SPATS2: variants seen among roughly 807,000 people sequenced by gnomAD.
SPATS2 encodes the protein spermatogenesis-associated serine-rich protein 2.
A neutral mutation model predicts 63.7 loss-of-function variants in SPATS2; 38 were observed. The observed-to-expected ratio is 0.60, with a 90% CI of 0.46 to 0.78. SPATS2 has a LOEUF of 0.78. Among genes scored for constraint, SPATS2 ranks in the 30% least tolerant of loss-of-function variants. The probability of loss-of-function intolerance (pLI) is 0.00; values close to 1 mark genes in which losing one functional copy is unlikely to be tolerated. For synonymous variants in SPATS2, 207 were observed against 232.9 expected (o/e 0.89, Z 1.01); for missense variants, 588 against 666.2 (o/e 0.88, Z 1.29).
In SPATS2 at chr12:49,526,528, G is replaced by A. The variant is rs1212907056; in HGVS notation, c.*273G>A. On this transcript the variant is annotated 3_prime_UTR_variant, in exon 14 of 14. Transcript: ENST00000552918. Reference sequence around the variant, plus strand: ...TCAGAGGCAGCTGTTACCAGGTTTCGGCCTTCCAGTTGATCCCTCCACTGT... The same window carrying A: ...TCAGAGGCAGCTGTTACCAGGTTTCAGCCTTCCAGTTGATCCCTCCACTGT... 2.8e-5 allele frequency: 12 copies of A among 434,212 alleles called. No homozygotes were observed. Among genetic ancestry groups the A allele is most frequent in the East Asian group, 9.1e-5 (2 of 22,022 alleles). 26.9% of individuals were successfully genotyped at this position (434,212 alleles called of 1,614,324 possible).
At position 49,494,982 on chromosome 12, in the gene SPATS2, T is replaced by C; in HGVS notation, c.506T>C (p.Leu169Pro). 1 of 1,612,376 alleles carries C rather than the reference T, an allele frequency of 6.2e-7. No individual in the cohort carries two copies. ...RELEDPESAM[L>P]DTLDRTGSML... ...TTGGAGGATCCCGAGTCTGCCATGC[T>C]AGATACGCTGGATAGAACAGGTGAG... is the stretch of plus-strand genomic sequence containing the variant. The change falls in exon 7 of 14, where the codon CTA becomes CCA. Residue 169 changes from leucine (L) to proline (P), a missense_variant. Physicochemically the swap from Leu to Pro is moderately conservative, Grantham distance 98. Coordinates refer to ENST00000552918, the MANE Select transcript of SPATS2 (RefSeq NM_023071.4).
intron 2 of SPATS2, among the ~76,000 whole-genome samples, chr12:49,378,218 G>A (rs764018202): frequency 1.3e-5 from 2 of 151,938 alleles, no homozygotes; most frequent in South Asian, 2.1e-4. Context: ...TGATCTGCCC[G>A]CCTCGGCCTC....
At chr12:49,456,563 A>T (rs1207784487) in intron 2 of SPATS2, among the ~76,000 whole-genome samples, 2 of 152,196 alleles carry the variant, frequency 1.3e-5, no homozygotes, top group African/African-American at 4.8e-5. Flanking sequence ...TCTGTCTTAT[A>T]ATTTTAATAG....
intron 11 of SPATS2, among the ~76,000 whole-genome samples, chr12:49,519,672 C>T (rs963740974): frequency 6.6e-6 from 1 of 151,110 alleles, no homozygotes; most frequent in Non-Finnish European, 1.5e-5. Flanking sequence ...TGCAGTCTTG[C>T]TCTGCCATTA....
intron 2 of SPATS2, among the ~76,000 whole-genome samples, chr12:49,384,055 G>A (rs1025246700): frequency 1.6e-4 from 25 of 152,080 alleles, no homozygotes; most frequent in Non-Finnish European, 1.3e-4. Context: ...TAACCATAGG[G>A]CATTTATTAA....
intron 9 of SPATS2, among the ~76,000 whole-genome samples, chr12:49,509,907 G>A (rs1592471553): frequency 6.6e-6 from 1 of 151,874 alleles, no homozygotes; most frequent in Non-Finnish European, 1.5e-5. Context: ...AGAAAAAAAG[G>A]CGTCTGCATT....
intron 3 of SPATS2, among the ~76,000 whole-genome samples, chr12:49,483,995 A>C (rs1197898617): frequency 6.6e-6 from 1 of 152,236 alleles, no homozygotes; most frequent in African/African-American, 2.4e-5. Flanking sequence ...AAATTTGCAC[A>C]TAGCCTTTTT....
At chr12:49,400,475 A>T (rs998492417) in intron 2 of SPATS2, among the ~76,000 whole-genome samples, 6 of 152,206 alleles carry the variant, frequency 3.9e-5, no homozygotes, top group African/African-American at 1.4e-4. Flanking sequence ...AGGATGCACC[A>T]GTAGAGAGGG....
intron 2 of SPATS2, among the ~76,000 whole-genome samples, chr12:49,459,627 C>T (rs1375596309): frequency 2.7e-5 from 4 of 149,062 alleles, no homozygotes; most frequent in African/African-American, 7.4e-5. Context: ...GGATTACAGG[C>T]GTGAGCCACT....
At chr12:49,462,351 A>C (rs1165828434) in intron 3 of SPATS2, 1 of 702,290 alleles carries the variant, frequency 1.4e-6, no homozygotes, top group Non-Finnish European at 2.6e-6. Context: ...CAGTACCAGC[A>C]GGGGTGAACT....
At chr12:49,381,636 CCT>C (rs1185706308) in intron 2 of SPATS2, among the ~76,000 whole-genome samples, 1 of 152,094 alleles carries the variant, frequency 6.6e-6, no homozygotes, top group Non-Finnish European at 1.5e-5. Flanking sequence ...TTCATTCTGC[CCT>C]GTTATGCGAC....
chr12:49,395,624 C>A (rs893867504), intron 2 of SPATS2, among the ~76,000 whole-genome samples: 1 of 151,370 alleles, frequency 6.6e-6, no homozygotes, highest in African/African-American at 2.4e-5. Flanking sequence ...TGGGGTTTCA[C>A]CATGTTGATT....
At chr12:49,513,865 T>C (rs1354077680) in intron 9 of SPATS2, among the ~76,000 whole-genome samples, 1 of 151,988 alleles carries the variant, frequency 6.6e-6, no homozygotes, top group African/African-American at 2.4e-5. Flanking sequence ...ATATAAAAAG[T>C]ATGAGTACAG....
intron 2 of SPATS2, among the ~76,000 whole-genome samples, chr12:49,413,561 C>G (rs1383581187): frequency 6.6e-6 from 1 of 151,958 alleles, no homozygotes; most frequent in Non-Finnish European, 1.5e-5. Context: ...AGTCTGCTCT[C>G]TGGTCACAAA....
intron 3 of SPATS2, among the ~76,000 whole-genome samples, chr12:49,472,611 T>TA (rs1565739194): frequency 1.0e-4 from 15 of 145,114 alleles, no homozygotes; most frequent in African/African-American, 3.3e-4. Flanking sequence ...TTTATATATT[T>TA]TATATATATA....
intron 2 of SPATS2, among the ~76,000 whole-genome samples, chr12:49,374,958 CAAAAAAAAAAA>C (rs10687716): frequency 2.0e-4 from 5 of 24,738 alleles, no homozygotes; most frequent in African/African-American, 2.6e-4. Context: ...GGATCTGTCT[CAAAAAAAAAAA>C]AAAAAAAAAA....
chr12:49,418,120 T>G (rs1013430652), intron 2 of SPATS2, among the ~76,000 whole-genome samples: 3 of 141,900 alleles, frequency 2.1e-5, no homozygotes, highest in Admixed American at 2.1e-4. Flanking sequence ...TTTTTTTTTT[T>G]TTTTTTTTTT....
At chr12:49,493,650 A>G (rs1194118190) in intron 6 of SPATS2, among the ~76,000 whole-genome samples, 1 of 152,028 alleles carries the variant, frequency 6.6e-6, no homozygotes, top group Non-Finnish European at 1.5e-5. Context: ...TGATCCACCT[A>G]CCTTGGCCTC....
chr12:49,443,799 A>T (rs1459920007), intron 2 of SPATS2, among the ~76,000 whole-genome samples: 2 of 152,156 alleles, frequency 1.3e-5, no homozygotes, highest in Non-Finnish European at 2.9e-5. Context: ...GTCCATAGAT[A>T]TGAAGGTTTA....
Sources: gnomAD v4.1 joint callset for allele counts (sites outside exome capture counted in the v4.1 genomes callset) on GRCh38, gnomAD v4.1.1 for gene constraint, MANE v1.5 for transcripts, NCBI Gene and HGNC (gene_info 2026-07-23, HGNC 2026-07-21) for gene names.